Variants in TMED8 observed in about 807,000 individuals in gnomAD.
TMED8 encodes the protein transmembrane p24 trafficking protein family member 8, also known as protein TMED8.
In TMED8, 15 loss-of-function variants were observed where a neutral mutation model predicts 32.7. The ratio of observed to expected loss-of-function variants is 0.46; its 90% CI spans 0.31 to 0.71. TMED8 has a LOEUF of 0.71. Among genes scored for constraint, TMED8 ranks in the 30% least tolerant of loss-of-function variants. TMED8 has a pLI of 0.06. For missense variants in TMED8, 390 were observed against 423.9 expected (o/e 0.92, Z 0.70); for synonymous variants, 147 against 161.4 (o/e 0.91, Z 0.68).
chr14:77,373,194 T>C (rs2139641849), intron 1 of TMED8, among the ~76,000 whole-genome samples: 1 of 151,226 alleles, frequency 6.6e-6, no homozygotes, highest in East Asian at 1.9e-4. Flanking sequence ...CTGACCTGTT[T>C]CCATCCTCAA....
chr14:77,354,207 A>G (rs1352374246), intron 1 of TMED8, among the ~76,000 whole-genome samples: 2 of 152,298 alleles, frequency 1.3e-5, no homozygotes, highest in East Asian at 1.9e-4. Context: ...AAAGGACACA[A>G]TATTTCTTGA....
chr14:77,356,312 T>A (rs2139619861), intron 1 of TMED8, among the ~76,000 whole-genome samples: 2 of 152,364 alleles, frequency 1.3e-5, no homozygotes, highest in South Asian at 4.1e-4. Context: ...TCCTATCCTA[T>A]ATTCCCTGTT....
intron 1 of TMED8, among the ~76,000 whole-genome samples, chr14:77,366,263 T>C (rs1893550883): frequency 6.6e-6 from 1 of 152,216 alleles, no homozygotes; most frequent in Admixed American, 6.5e-5. Flanking sequence ...CTTTTCCTCC[T>C]TGGGGAGAAC....
At chr14:77,348,467 C>A (rs1893101700) in intron 2 of TMED8, among the ~76,000 whole-genome samples, 1 of 152,180 alleles carries the variant, frequency 6.6e-6, no homozygotes, top group Admixed American at 6.5e-5. Context: ...TCGTGATCCA[C>A]CCACCTTGGC....
Position 77,377,091 on chromosome 14 carries a change from G to A in TMED8, c.-38C>T, listed in dbSNP as rs777424194. 1.0e-5 allele frequency: 13 copies of A among 1,278,646 alleles called. No homozygotes were observed. In the South Asian group the frequency reaches 2.5e-4, roughly 24 times the overall value. The allele number at this position is 1,278,646 out of a possible 1,614,324, so 79.2% of individuals were successfully genotyped here. On this transcript the variant is annotated 5_prime_UTR_variant, in exon 1 of 6. Coordinates refer to ENST00000216468, the MANE Select transcript of TMED8 (RefSeq NM_213601.3). The stretch of plus-strand genomic sequence containing the variant: ...CACGGAGCTCTCCGCTGCCAGCCGC[G>A]AGTGGCTCCGGAAACAGCCGAAGGC...
Position 77,341,003 on chromosome 14 carries a change from T to C in TMED8, c.*768A>G, listed in dbSNP as rs1238109557. On this transcript the variant is annotated 3_prime_UTR_variant, in exon 6 of 6. Transcript: ENST00000216468. ...CATCAATTCAGTACCTAATTTCCAC[T>C]CTCTCCACTTTGACTGCCAGTGCCC... The C allele has an allele frequency of 6.6e-6, 1 of 151,426 alleles. No homozygotes were observed. Among genetic ancestry groups the C allele is most frequent in the East Asian group, 1.9e-4 (1 of 5,136 alleles). 9.4% of individuals were successfully genotyped at this position (151,426 alleles called of 1,614,324 possible).
chr14:77,367,628 G>A (rs2099227122), intron 1 of TMED8, among the ~76,000 whole-genome samples: 1 of 151,822 alleles, frequency 6.6e-6, no homozygotes, highest in Non-Finnish European at 1.5e-5. Flanking sequence ...TTTGATTGAT[G>A]CATCCATCAA....
chr14:77,366,870 G>A (rs1335130680), intron 1 of TMED8, among the ~76,000 whole-genome samples: 2 of 152,072 alleles, frequency 1.3e-5, no homozygotes, highest in Non-Finnish European at 2.9e-5. Flanking sequence ...CAGCAAATAC[G>A]AATAGAAGTG....
At chr14:77,358,124 C>CAAAA (rs35361617) in intron 1 of TMED8, among the ~76,000 whole-genome samples, 9 of 76,230 alleles carry the variant, frequency 1.2e-4, no homozygotes, top group South Asian at 5.1e-4. Context: ...GCTCTGTCTC[C>CAAAA]AAAAAAAAAA....
intron 1 of TMED8, among the ~76,000 whole-genome samples, chr14:77,374,710 C>T (rs962321097): frequency 6.6e-6 from 1 of 152,164 alleles, no homozygotes; most frequent in African/African-American, 2.4e-5. Context: ...ATCAAGGGCT[C>T]TAGATAAATA....
intron 1 of TMED8, among the ~76,000 whole-genome samples, chr14:77,352,626 C>G (rs1893205451): frequency 6.6e-6 from 1 of 151,510 alleles, no homozygotes. Flanking sequence ...GTAATCCCAG[C>G]TACTCAGGAG....
chr14:77,364,182 A>C lies in TMED8; in HGVS notation c.119-12431T>G, dbSNP rs568261074. Among the ~76,000 whole-genome samples, 3 of 152,326 alleles carry C rather than the reference A, an allele frequency of 2.0e-5. No individual in the cohort carries two copies. In the East Asian group the frequency reaches 5.8e-4, roughly 29 times the overall value. On this transcript the variant is annotated intron_variant, in intron 1 of 5. Coordinates refer to ENST00000216468, the MANE Select transcript of TMED8 (RefSeq NM_213601.3). ...CACTTCTCTTATCTTTTAATGCATT[A>C]GACCACTTTCTTTTTTTTCTTCTTC...
chr14:77,341,789 G>A lies in TMED8; in HGVS notation c.960C>T (p.His320=). The A allele has an allele frequency of 6.2e-7, 1 of 1,614,186 alleles. No individual in the cohort carries two copies. The highest frequency in any genetic ancestry group is 8.5e-7 in the Non-Finnish European group (1 of 1,180,026). The change falls in exon 6 of 6, where the codon CAC becomes CAT. Residue 320 remains histidine, a synonymous_variant. Coordinates refer to ENST00000216468, the MANE Select transcript of TMED8 (RefSeq NM_213601.3). ...CAGTCCTTCAGCTGGTGTAGTAGATGTGGAAGTAGAGAGTCTTGTTGCGCA... is the reference window on the plus strand; with the variant it reads ...CAGTCCTTCAGCTGGTGTAGTAGATATGGAAGTAGAGAGTCTTGTTGCGCA... ...SLLRNKTLYF[H]IYYTS
In TMED8 at chr14:77,337,157, T is replaced by C. The variant is rs141197161; in HGVS notation, c.*4614A>G. On this transcript the variant is annotated 3_prime_UTR_variant, in exon 6 of 6. Coordinates refer to ENST00000216468, the MANE Select transcript of TMED8 (RefSeq NM_213601.3). Reference sequence around the variant, plus strand: ...AACTAAGAATGGTCTAATTCCAAATTGCTACCTACTTCCATGATAAAGCTA... The same window carrying C: ...AACTAAGAATGGTCTAATTCCAAATCGCTACCTACTTCCATGATAAAGCTA... 1.1e-3 allele frequency: 168 copies of C among 152,342 alleles called. No homozygotes were observed. The highest frequency in any genetic ancestry group is 3.8e-3 in the African/African-American group (159 of 41,580). The allele number at this position is 152,342 out of a possible 1,614,324, so 9.4% of individuals were successfully genotyped here. A position where few individuals can be genotyped will look rare whatever the true frequency, so the allele number is the denominator to read the frequency against.
chr14:77,349,916 C>T (rs570651243), intron 2 of TMED8, among the ~76,000 whole-genome samples: 2 of 152,326 alleles, frequency 1.3e-5, no homozygotes, highest in African/African-American at 4.8e-5. Flanking sequence ...TCTGCCAGTA[C>T]TTAGGAATGC....
intron 1 of TMED8, among the ~76,000 whole-genome samples, chr14:77,356,443 T>C (rs572784933): frequency 6.6e-6 from 1 of 152,198 alleles, no homozygotes. Context: ...TAGATCACAG[T>C]AGAATGAAGA....
rs1215923780 is a variant in TMED8 at position 77,351,715 on chromosome 14, A to C, written c.155T>G (p.Leu52Trp). 3 of 1,613,396 alleles carry C rather than the reference A, an allele frequency of 1.9e-6. No homozygotes were observed. The highest frequency in any genetic ancestry group is 1.7e-5 in the Admixed American group (1 of 59,934). Reference protein sequence around the residue: ...EDLENKDTSLLASATDPEPCS... With the variant: ...EDLENKDTSLWASATDPEPCS... ...GGGTTCTGGATCGGTGGCAGAAGCC[A>C]ATAAAGAGGTATCCTTGTTTTCTAG... The change falls in exon 2 of 6, where the codon TTG becomes TGG. Residue 52 changes from leucine to tryptophan, a missense_variant. Transcript: ENST00000216468.
intron 1 of TMED8, chr14:77,359,734 G>A (rs1893385623): frequency 4.0e-6 from 1 of 251,016 alleles, no homozygotes; most frequent in Non-Finnish European, 7.9e-6. Flanking sequence ...AGATCCACAT[G>A]ATTATCTGGA....
chr14:77,346,528 A>G, intron 2 of TMED8, 50 bp from the exon 3 acceptor site: 1 of 1,608,442 alleles, frequency 6.2e-7, no homozygotes, highest in Non-Finnish European at 8.5e-7. Context: ...GAAAAGACTC[A>G]ATCATCCTGG....
Sources: gnomAD v4.1 joint callset for allele counts (sites outside exome capture counted in the v4.1 genomes callset) on GRCh38, gnomAD v4.1.1 for gene constraint, MANE v1.5 for transcripts, NCBI Gene and HGNC (gene_info 2026-07-23, HGNC 2026-07-21) for gene names.